The following DES variants were observed in gnomAD, a reference collection of about 807,000 sequenced individuals.
The protein encoded by DES is cardiomyopathy, dilated 1F (autosomal dominant).
Under a neutral mutation model 55.1 loss-of-function variants are expected in DES, and 34 were observed. The observed-to-expected ratio is 0.62, with a 90% CI of 0.47 to 0.82. The LOEUF (loss-of-function observed/expected upper bound fraction) is 0.82. DES is among the 40% of genes least tolerant of loss of function. The probability of loss-of-function intolerance (pLI) is 0.00; values close to 1 mark genes in which losing one functional copy is unlikely to be tolerated. For missense variants in DES, 596 were observed against 645.9 expected, an observed-to-expected ratio of 0.92 and a Z score of 0.84; for synonymous variants, 259 against 270.8, an observed-to-expected ratio of 0.96 and a Z score of 0.43.
At chr2:219,425,599 C>G in intron 7 of DES, 64 bp from the exon 8 acceptor site, 8 of 1,467,732 alleles carry the variant, frequency 5.5e-6, no homozygotes, top group Non-Finnish European at 7.5e-6. Flanking sequence ...AGATGGACTC[C>G]CAGCCCCTGG....
At chr2:219,421,075 G>A in intron 5 of DES, 122 bp downstream of exon 5, 2 of 1,409,940 alleles carry the variant, frequency 1.4e-6, no homozygotes, top group Non-Finnish European at 1.9e-6. Flanking sequence ...ATCTACAATA[G>A]GGGTAAAACC....
At position 219,421,319 on chromosome 2, in the gene DES, TG is replaced by T. The variant is rs751244965; in HGVS notation, c.1024-18del. The T allele has an allele frequency of 1.9e-6, 3 of 1,613,724 alleles. No homozygotes were observed. In the East Asian group the frequency reaches 6.7e-5, roughly 36 times the overall value. Reference sequence around the variant, plus strand: ...TAGTGTCCTCTTCCCTTCCTTGACCTGGGTTCCCCCTCTCCTGCAGAACGAT... The same window carrying T: ...TAGTGTCCTCTTCCCTTCCTTGACCTGGTTCCCCCTCTCCTGCAGAACGAT... On this transcript the variant is annotated intron_variant, in intron 5 of 8. Coordinates refer to ENST00000373960, the MANE Select transcript of DES (RefSeq NM_001927.4).
intron 7 of DES, among the ~76,000 whole-genome samples, chr2:219,424,381 G>T (rs1299001776): frequency 6.6e-6 from 1 of 152,230 alleles, no homozygotes; most frequent in African/African-American, 2.4e-5. Flanking sequence ...AGATCGGGTG[G>T]CTTTCCAACC....
At chr2:219,421,668 A>C (rs1386733146) in intron 6 of DES, 108 bp downstream of exon 6, 3 of 1,088,500 alleles carry the variant, frequency 2.8e-6, no homozygotes, top group Non-Finnish European at 3.9e-6. Flanking sequence ...ACCTGGAAAC[A>C]ATTTTTTTTT....
In DES at chr2:219,420,243, T is replaced by C; in HGVS notation, c.640-8T>C. 6.2e-7 allele frequency: 1 copy of C among 1,614,148 alleles called. No individual in the cohort carries two copies. Among genetic ancestry groups the C allele is most frequent in the East Asian group, 2.2e-5 (1 of 44,870 alleles). ...GTGACCATGTCCTTCTCGCTTGGCC[T>C]CTCCCAGGACGTGGATGCAGCTACT... is the stretch of plus-strand genomic sequence containing the variant. On this transcript the variant is annotated splice_region_variant and splice_polypyrimidine_tract_variant and intron_variant, in intron 2 of 8. Coordinates refer to ENST00000373960, the MANE Select transcript of DES (RefSeq NM_001927.4). This position sits in a 1 kb window ranked among gnomAD's most constrained non-coding sequence, Gnocchi z 6.0.
At position 219,426,029 on chromosome 2, in the gene DES, C is replaced by G; in HGVS notation, c.*39C>G. On this transcript the variant is annotated 3_prime_UTR_variant, in exon 9 of 9. Coordinates refer to ENST00000373960, the MANE Select transcript of DES (RefSeq NM_001927.4). This position sits in a 1 kb window ranked among gnomAD's most constrained non-coding sequence, Gnocchi z 4.5. ...CTGCCACCAGAGACCGTCCTCACCC[C>G]TGTCCTCACTGCTCCCTGAAGCCAG... The G allele has an allele frequency of 6.2e-7, 1 of 1,610,760 alleles. No individual in the cohort carries two copies. Among genetic ancestry groups the G allele is most frequent in the South Asian group, 1.1e-5 (1 of 91,010 alleles).
In DES at chr2:219,420,332, A is replaced by G. The variant is rs201945924; in HGVS notation, c.721A>G (p.Lys241Glu). ...CAACGAGGAGATCGCGTTCCTTAAG[A>G]AAGTGCATGAAGAGGTATACCTTGG... ...SLNEEIAFLK[K>E]VHEEEIRELQ... The change falls in exon 3 of 9, where the codon AAA (lysine) becomes GAA (glutamate). Residue 241 changes from lysine (K) to glutamate (E), a missense_variant. Lys to Glu is a moderately conservative substitution (Grantham distance 56). Coordinates refer to ENST00000373960, the MANE Select transcript of DES (RefSeq NM_001927.4). The surrounding 1 kb of genome is among the most constrained non-coding windows in gnomAD (Gnocchi z 6.0). The G allele has an allele frequency of 6.2e-7, 1 of 1,614,118 alleles. No homozygotes were observed. Among genetic ancestry groups the G allele is most frequent in the Non-Finnish European group, 8.5e-7 (1 of 1,180,026 alleles).
In DES at chr2:219,419,918, T is replaced by G; in HGVS notation, c.579-177T>G. On this transcript the variant is annotated intron_variant, in intron 1 of 8. Transcript: ENST00000373960. This position sits in a 1 kb window ranked among gnomAD's most constrained non-coding sequence, Gnocchi z 4.3. ...GCTCCTGGGCAGAGATTGGGCCACTTCCTGTGCCCTCCCTGGGTGGGTGGG... is the reference window on the plus strand; with the variant it reads ...GCTCCTGGGCAGAGATTGGGCCACTGCCTGTGCCCTCCCTGGGTGGGTGGG... The G allele has an allele frequency of 2.9e-6, 2 of 698,198 alleles. No homozygotes were observed. Among genetic ancestry groups the G allele is most frequent in the Non-Finnish European group, 5.2e-6 (2 of 384,336 alleles). The allele number at this position is 698,198 out of a possible 1,614,324, so 43.3% of individuals were successfully genotyped here.
chr2:219,418,807 C>A lies in DES; in HGVS notation c.345C>A (p.Leu115=), dbSNP rs757262397. The A allele has an allele frequency of 4.4e-6, 7 of 1,574,316 alleles. No individual in the cohort carries two copies. The highest frequency in any genetic ancestry group is 6.0e-6 in the Non-Finnish European group (7 of 1,159,204). The part of the protein sequence containing the change: ...RTNEKVELQE[L]NDRFANYIEK... ...ACGAGAAGGTGGAGCTGCAGGAGCTCAATGACCGCTTCGCCAACTACATCG... is the reference window on the plus strand; with the variant it reads ...ACGAGAAGGTGGAGCTGCAGGAGCTAAATGACCGCTTCGCCAACTACATCG... The change falls in exon 1 of 9, where the codon CTC becomes CTA. Residue 115 remains leucine (L), a synonymous_variant. Transcript: ENST00000373960.
Position 219,420,158 on chromosome 2 carries a change from G to C in DES, c.639+3G>C, listed in dbSNP as rs113583576. ...ACAATTTGGCTGCCTTCCGAGCGGT[G>C]AGTGCCCTTCTTTTCCCCTTGCATG... On this transcript the variant is annotated splice_donor_region_variant and intron_variant, in intron 2 of 8. Coordinates refer to ENST00000373960, the MANE Select transcript of DES (RefSeq NM_001927.4). This position sits in a 1 kb window ranked among gnomAD's most constrained non-coding sequence, Gnocchi z 6.0. 1 of 1,614,228 alleles carries C rather than the reference G, an allele frequency of 6.2e-7. No homozygotes were observed. The highest frequency in any genetic ancestry group is 8.5e-7 in the Non-Finnish European group (1 of 1,180,042).
chr2:219,422,141 A>G (rs893101124), intron 6 of DES, among the ~76,000 whole-genome samples: 2 of 152,158 alleles, frequency 1.3e-5, no homozygotes, highest in African/African-American at 4.8e-5. Flanking sequence ...TCAGCAACCA[A>G]TAATAAAATA....
rs1954404110 is a variant in DES at position 219,420,050 on chromosome 2, G to C, written c.579-45G>C. On this transcript the variant is annotated intron_variant, in intron 1 of 8. Transcript: ENST00000373960. This position sits in a 1 kb window ranked among gnomAD's most constrained non-coding sequence, Gnocchi z 6.0. ...CCCCGGCCAGTCGTTTCCACTGCCA[G>C]CTTTATCACCCGCAACTGTCTGTCT... The C allele has an allele frequency of 6.2e-7, 1 of 1,611,670 alleles. No homozygotes were observed. Among genetic ancestry groups the C allele is most frequent in the Non-Finnish European group, 8.5e-7 (1 of 1,177,874 alleles).
chr2:219,424,901 AT>A (rs976513249), intron 7 of DES, among the ~76,000 whole-genome samples: 10 of 151,082 alleles, frequency 6.6e-5, no homozygotes, highest in East Asian at 3.9e-4. Flanking sequence ...GCTCATCTGA[AT>A]TTTTTTTTTC....
rs749414352 is a variant in DES, at chr2:219,418,416, C to T, written c.-47C>T. The T allele has an allele frequency of 1.5e-5, 23 of 1,531,054 alleles. No individual in the cohort carries two copies. The highest frequency in any genetic ancestry group is 2.3e-4 in the Middle Eastern group (1 of 4,336). 94.8% of individuals were successfully genotyped at this position (1,531,054 alleles called of 1,614,324 possible). On this transcript the variant is annotated 5_prime_UTR_variant, in exon 1 of 9. Coordinates refer to ENST00000373960, the MANE Select transcript of DES (RefSeq NM_001927.4). ...CATCCACTCTCCGGCCGGCCGCCTG[C>T]CCGCCGCCTCCTCCGTGCGCCCGCC...
Position 219,420,453 on chromosome 2 carries a change from G to C in DES, c.736-42G>C. On this transcript the variant is annotated intron_variant, in intron 3 of 8. Coordinates refer to ENST00000373960, the MANE Select transcript of DES (RefSeq NM_001927.4). The surrounding 1 kb of genome is among the most constrained non-coding windows in gnomAD (Gnocchi z 6.0). ...GGGAATAGGGGTGTGAGGGTGCTGT[G>C]TGGGCCCTGAGAGGGGACTGAAGCC... is the stretch of plus-strand genomic sequence containing the variant. 1 of 1,613,812 alleles carries C rather than the reference G, an allele frequency of 6.2e-7. No individual in the cohort carries two copies. The highest frequency in any genetic ancestry group is 8.5e-7 in the Non-Finnish European group (1 of 1,179,860).
chr2:219,423,682 GC>G, intron 6 of DES, 94 bp from the exon 7 acceptor site: 1 of 1,223,712 alleles, frequency 8.2e-7, no homozygotes, highest in Non-Finnish European at 1.2e-6. Flanking sequence ...CTGGTGATCC[GC>G]CCGCCTCGGC....
chr2:219,420,382 C>T lies in DES; in HGVS notation c.735+36C>T, dbSNP rs937786703. ...GCCCCTCTTCCTGGGGTCACTGGGC[C>T]ATGGGGAAAGCAGCCGGAAAGTGGG... On this transcript the variant is annotated intron_variant, in intron 3 of 8. Transcript: ENST00000373960. The surrounding 1 kb of genome is among the most constrained non-coding windows in gnomAD (Gnocchi z 6.0). The T allele has an allele frequency of 1.2e-6, 2 of 1,612,630 alleles. No individual in the cohort carries two copies. Among genetic ancestry groups the T allele is most frequent in the Non-Finnish European group, 1.7e-6 (2 of 1,179,288 alleles).
chr2:219,421,897 C>T (rs1456416149), intron 6 of DES, among the ~76,000 whole-genome samples: 7 of 152,062 alleles, frequency 4.6e-5, no homozygotes, highest in African/African-American at 1.2e-4. Flanking sequence ...AACTCCTGAC[C>T]TCAGGTGATC....
chr2:219,424,887 A>G (rs2125171321), intron 7 of DES, among the ~76,000 whole-genome samples: 1 of 152,308 alleles, frequency 6.6e-6, no homozygotes, highest in Middle Eastern at 3.4e-3. Context: ...TAAGACATCA[A>G]GTTGCTCATC....
Sources: allele counts gnomAD v4.1 joint callset (sites outside exome capture counted in the v4.1 genomes callset), GRCh38; gene constraint gnomAD v4.1.1; non-coding constraint Gnocchi (gnomAD v3.1); transcripts MANE v1.5; gene names NCBI Gene and HGNC (gene_info 2026-07-23, HGNC 2026-07-21).